C22orf31: variants seen among roughly 807,000 people sequenced by gnomAD.
The protein encoded by C22orf31 is uncharacterized protein C22orf31.
Under a neutral mutation model 15.0 loss-of-function variants are expected in C22orf31, and 11 were observed. That is an observed-to-expected ratio of 0.73 (90% CI 0.46 to 1.21). C22orf31 has a LOEUF of 1.21. C22orf31 is among the 50% of genes most tolerant of loss of function. The pLI is 0.00. For synonymous variants in C22orf31, 132 were observed against 133.3 expected, an observed-to-expected ratio of 0.99 and a Z score of 0.07; for missense variants, 340 against 347.2, an observed-to-expected ratio of 0.98 and a Z score of 0.17.
chr22:29,064,434 G>A (rs2037415197), upstream of C22orf31, among the ~76,000 whole-genome samples: 2 of 152,208 alleles, frequency 1.3e-5, no homozygotes, highest in South Asian at 4.1e-4. Context: ...TTGTGAGTTT[G>A]AAGTGGGACA....
chr22:29,061,286 G>C (rs116031970), intron 1 of C22orf31, among the ~76,000 whole-genome samples: 1,734 of 152,212 alleles, frequency 0.011, 37 homozygotes, highest in African/African-American at 0.04. Flanking sequence ...GTGTGGGGGG[G>C]ACGGAGTTTA....
intron 2 of C22orf31, chr22:29,059,814 C>A: frequency 1.0e-6 from 1 of 985,148 alleles, no homozygotes; most frequent in Non-Finnish European, 1.2e-6. Flanking sequence ...TCCTAGCCTT[C>A]CTTCTCACCC....
At chr22:29,070,030 C>T in the C22orf31 span, among the ~76,000 whole-genome samples, 1,529 of 150,906 alleles carry the variant, frequency 0.01, 18 homozygotes, top group South Asian at 0.067. Flanking sequence ...ACTGCAACCT[C>T]CACCTCCCAG....
Position 29,060,783 on chromosome 22 carries a change from A to G in C22orf31, c.64T>C (p.Leu22=). 1 of 1,614,086 alleles carries G rather than the reference A, an allele frequency of 6.2e-7. No individual in the cohort carries two copies. Among genetic ancestry groups the G allele is most frequent in the Non-Finnish European group, 8.5e-7 (1 of 1,179,960 alleles). ...CAGTCCTGAAGCCTGGTATTTAATA[A>G]GATGGACTGTCGGAGTCCATAGATA... ...IPIYGLRQSI[L]LNTRLQDCYV... Residue 22 remains leucine, a synonymous_variant, in exon 2 of 3, where the codon TTA becomes CTA. Transcript: ENST00000216071.
chr22:29,068,401 T>C, the C22orf31 span, among the ~76,000 whole-genome samples: 1 of 136,586 alleles, frequency 7.3e-6, no homozygotes, highest in African/African-American at 2.9e-5. Context: ...CAAGACCCTG[T>C]CTTTAAATTT....
At chr22:29,059,379 A>G (rs1449859640) in intron 2 of C22orf31, among the ~76,000 whole-genome samples, 197 bp from the exon 3 acceptor site, 1 of 152,294 alleles carries the variant, frequency 6.6e-6, no homozygotes, top group East Asian at 1.9e-4. Flanking sequence ...GCAGGAGACA[A>G]CTTTATAGGC....
In C22orf31 at chr22:29,060,642, A is replaced by G; in HGVS notation, c.205T>C (p.Leu69=). ...ACCAGGGAGAAGGAACTGGCAATTA[A>G]TGGGTTCCTTACAACTTCCCAAGAG... ...TSSWEVVRNP[L]IASSFSLVKL... is the part of the protein sequence containing the mutation. Residue 69 remains leucine, a synonymous_variant, in exon 2 of 3, where the codon TTA becomes CTA. Transcript: ENST00000216071. 1 of 1,614,062 alleles carries G rather than the reference A, an allele frequency of 6.2e-7. No individual in the cohort carries two copies. Among genetic ancestry groups the G allele is most frequent in the Non-Finnish European group, 8.5e-7 (1 of 1,179,984 alleles).
At chr22:29,065,272 A>G, upstream of C22orf31, among the ~76,000 whole-genome samples, 1 of 152,150 alleles carries the variant, frequency 6.6e-6, no homozygotes, top group Admixed American at 6.5e-5. Context: ...CAGGTCATTC[A>G]TGTACATCAA....
chr22:29,069,943 CTTTTTTTTT>C, the C22orf31 span, among the ~76,000 whole-genome samples: 4 of 96,534 alleles, frequency 4.1e-5, no homozygotes, highest in Admixed American at 4.5e-4. Context: ...TCTTGAAATT[CTTTTTTTTT>C]TTTTTTTTTT....
At chr22:29,071,165 G>A in the C22orf31 span, among the ~76,000 whole-genome samples, 3 of 152,142 alleles carry the variant, frequency 2.0e-5, no homozygotes, top group Non-Finnish European at 4.4e-5. Context: ...AGGAGGTGGG[G>A]GGGGCGGTCC....
chr22:29,066,693 TG>T (rs949319208), upstream of C22orf31, among the ~76,000 whole-genome samples: 1 of 151,648 alleles, frequency 6.6e-6, no homozygotes, highest in African/African-American at 2.4e-5. Context: ...ACTGAGTAAC[TG>T]GGATTACAAG....
chr22:29,059,879 A>G (rs1753125309), intron 2 of C22orf31: 2 of 985,348 alleles, frequency 2.0e-6, no homozygotes, highest in African/African-American at 3.5e-5. Flanking sequence ...ATCCTTCTCT[A>G]GAACTAAGCA....
chr22:29,071,704 C>T, the C22orf31 span, among the ~76,000 whole-genome samples: 1 of 151,772 alleles, frequency 6.6e-6, no homozygotes, highest in African/African-American at 2.4e-5. Flanking sequence ...GGCGGGAGGG[C>T]GGGGGAGGAG....
chr22:29,065,161 G>T (rs1042665481), upstream of C22orf31, among the ~76,000 whole-genome samples: 1 of 152,120 alleles, frequency 6.6e-6, no homozygotes, highest in African/African-American at 2.4e-5. Flanking sequence ...CCATGTGAAT[G>T]TTATTAATAT....
chr22:29,068,957 T>C, the C22orf31 span, among the ~76,000 whole-genome samples: 1 of 151,484 alleles, frequency 6.6e-6, no homozygotes, highest in Non-Finnish European at 1.5e-5. Context: ...AGAGATGGGG[T>C]TTCACTATGT....
upstream of C22orf31, among the ~76,000 whole-genome samples, chr22:29,066,539 C>CTTTTTTTTTTTTTTTTTTTT (rs134565): frequency 1.9e-3 from 131 of 70,228 alleles, 21 homozygotes; most frequent in Non-Finnish European, 2.8e-3. Context: ...CTTTTCTTTT[C>CTTTTTTTTTTTTTTTTTTTT]TTTTTTTTTT....
the C22orf31 span, among the ~76,000 whole-genome samples, chr22:29,070,765 A>G: frequency 6.6e-6 from 1 of 152,156 alleles, no homozygotes; most frequent in African/African-American, 2.4e-5. Context: ...TCTCCAGAAA[A>G]AGAAAAAGAA....
upstream of C22orf31, among the ~76,000 whole-genome samples, chr22:29,063,432 C>T (rs748200804): frequency 3.2e-4 from 49 of 152,324 alleles, no homozygotes; most frequent in Non-Finnish European, 5.7e-4. Context: ...TCCCAAAGTG[C>T]TGGGATTACA....
chr22:29,072,578 A>AG, the C22orf31 span, among the ~76,000 whole-genome samples: 1 of 152,232 alleles, frequency 6.6e-6, no homozygotes, highest in Non-Finnish European at 1.5e-5. Context: ...AACTCTCCAA[A>AG]GCATTCTTTT....
Sources: gnomAD v4.1 joint callset for allele counts (sites outside exome capture counted in the v4.1 genomes callset) on GRCh38, gnomAD v4.1.1 for gene constraint, MANE v1.5 for transcripts, NCBI Gene and HGNC (gene_info 2026-07-23, HGNC 2026-07-21) for gene names.